Variants in KIF21A observed in about 807,000 individuals in gnomAD.
KIF21A encodes kinesin family member 21A.
In KIF21A, 114 loss-of-function variants were observed where a neutral mutation model predicts 202.9. The observed-to-expected ratio is 0.56, with a 90% CI of 0.48 to 0.66. KIF21A has a LOEUF of 0.66. Among genes scored for constraint, KIF21A ranks in the 30% least tolerant of loss-of-function variants. The probability of loss-of-function intolerance (pLI) is 0.00; values close to 1 mark genes in which losing one functional copy is unlikely to be tolerated. For missense variants in KIF21A, 1,677 were observed against 1,994.9 expected (o/e 0.84, Z 3.04); for synonymous variants, 667 against 670.8 (o/e 0.99, Z 0.09).
At chr12:39,350,697 G>T (rs1394323265) in intron 11 of KIF21A, among the ~76,000 whole-genome samples, 2 of 151,918 alleles carry the variant, frequency 1.3e-5, no homozygotes, top group Non-Finnish European at 2.9e-5. Flanking sequence ...AATATCTCAA[G>T]AGTGCAATTT....
intron 1 of KIF21A, among the ~76,000 whole-genome samples, chr12:39,397,230 T>C (rs1951822719): frequency 6.6e-6 from 1 of 152,222 alleles, no homozygotes; most frequent in Non-Finnish European, 1.5e-5. Flanking sequence ...TTTTGGTTCT[T>C]TATAATGCAT....
Position 39,294,219 on chromosome 12 carries a change from T to A in KIF21A, c.*205A>T. 1 of 521,054 alleles carries A rather than the reference T, an allele frequency of 1.9e-6. No individual in the cohort carries two copies. The highest frequency in any genetic ancestry group is 3.5e-6 in the Non-Finnish European group (1 of 287,528). The allele number at this position is 521,054 out of a possible 1,614,324, so 32.3% of individuals were successfully genotyped here. A position where few individuals can be genotyped will look rare whatever the true frequency, so the allele number is the denominator to read the frequency against. On this transcript the variant is annotated 3_prime_UTR_variant, in exon 38 of 38. Coordinates refer to ENST00000361418, the MANE Select transcript of KIF21A (RefSeq NM_001173464.2). ...AGCAATATATCAATTGTAGGATATA[T>A]ATCTATTGGTTGATCTTAAAACTAA...
intron 15 of KIF21A, 50 bp downstream of exon 15, chr12:39,340,856 A>G (rs1452202869): frequency 1.3e-5 from 17 of 1,310,280 alleles, no homozygotes; most frequent in Middle Eastern, 1.9e-4. Context: ...ATAAAAACCC[A>G]TTTTGAAGAT....
chr12:39,351,344 G>T (rs971749805), intron 11 of KIF21A, among the ~76,000 whole-genome samples: 3 of 152,010 alleles, frequency 2.0e-5, no homozygotes, highest in South Asian at 2.1e-4. Flanking sequence ...CATTCTGATG[G>T]ATTAGTTTAG....
chr12:39,309,710 C>A lies in KIF21A; in HGVS notation c.4153G>T (p.Gly1385Cys). 3.7e-6 allele frequency: 6 copies of A among 1,613,244 alleles called. No individual in the cohort carries two copies. The highest frequency in any genetic ancestry group is 1.7e-5 in the Admixed American group (1 of 59,954). The stretch of plus-strand genomic sequence containing the variant: ...ACAGACACGACATTGTTGGGATGAC[C>A]CCCCAGTGACATTATTTCCTGCCCA... The part of the protein sequence containing the change: ...VTGQEIMSLG[G>C]HPNNVVSVKY... The change falls in exon 33 of 38, where the codon GGT becomes TGT. Residue 1385 changes from glycine (G) to cysteine (C), a missense_variant. Coordinates refer to ENST00000361418, the MANE Select transcript of KIF21A (RefSeq NM_001173464.2).
chr12:39,415,661 A>G (rs1953517875), intron 1 of KIF21A, among the ~76,000 whole-genome samples: 1 of 152,196 alleles, frequency 6.6e-6, no homozygotes, highest in Non-Finnish European at 1.5e-5. Context: ...ATTAGAAAAG[A>G]CACTTTATTA....
At chr12:39,328,299 C>A (rs1946156787) in intron 24 of KIF21A, among the ~76,000 whole-genome samples, 1 of 152,158 alleles carries the variant, frequency 6.6e-6, no homozygotes, top group African/African-American at 2.4e-5. Context: ...GGGCACTGAG[C>A]ATCTACTGGA....
Position 39,369,803 on chromosome 12 carries a change from C to T in KIF21A, c.376G>A (p.Glu126Lys), listed in dbSNP as rs773829948. ...RAVKHLFKSI[E>K]EKKHIAIKNG... The stretch of plus-strand genomic sequence containing the variant: ...TTAATTGCTATGTGTTTTTTTTCTT[C>T]AATACTCTTAAAAAGGTGTTTAACA... Residue 126 changes from glutamate to lysine, a missense_variant, in exon 3 of 38, where the codon GAA becomes AAA. Around this residue, in one of 3 missense-constraint regions of KIF21A, gnomAD observed 966 missense variants for 1,180.9 expected, o/e 0.82. Coordinates refer to ENST00000361418, the MANE Select transcript of KIF21A (RefSeq NM_001173464.2). 1.6e-5 allele frequency: 25 copies of T among 1,612,016 alleles called. No homozygotes were observed. Among genetic ancestry groups the T allele is most frequent in the African/African-American group, 1.3e-5 (1 of 74,706 alleles).
At chr12:39,315,735 A>G in intron 30 of KIF21A, 197 bp downstream of exon 30, 1 of 642,432 alleles carries the variant, frequency 1.6e-6, no homozygotes, top group Non-Finnish European at 2.8e-6. Context: ...TATTATACAA[A>G]AAAAACCACT....
intron 29 of KIF21A, among the ~76,000 whole-genome samples, chr12:39,317,616 A>G (rs1944699144): frequency 6.6e-6 from 1 of 152,154 alleles, no homozygotes; most frequent in Admixed American, 6.5e-5. Flanking sequence ...CTTGTCTAGA[A>G]CAATCAGATG....
intron 27 of KIF21A, among the ~76,000 whole-genome samples, chr12:39,321,020 G>T (rs569949290): frequency 6.8e-6 from 1 of 146,066 alleles, no homozygotes; most frequent in African/African-American, 2.5e-5. Context: ...GGGTTTGCAT[G>T]ATTCCTATTT....
chr12:39,370,583 T>G (rs2139192291), intron 1 of KIF21A, among the ~76,000 whole-genome samples: 1 of 152,256 alleles, frequency 6.6e-6, no homozygotes, highest in Non-Finnish European at 1.5e-5. Context: ...CAATAAATTC[T>G]GCTACCAAAA....
intron 33 of KIF21A, 69 bp downstream of exon 33, chr12:39,309,517 A>G: frequency 8.8e-7 from 1 of 1,135,768 alleles, no homozygotes; most frequent in Non-Finnish European, 1.3e-6. Context: ...CTCTTTTCTT[A>G]TATTTGTAAA....
rs1491566823 is a variant in KIF21A, at chr12:39,325,499, T to TTTTTTC, written c.3456+339_3456+340insGAAAAA. 3.2e-3 allele frequency among the ~76,000 whole-genome samples: 174 copies of TTTTTTC among 54,520 alleles called. 2 individuals carry two copies. Among genetic ancestry groups the TTTTTTC allele is most frequent in the African/African-American group, 0.018 (167 of 9,524 alleles). 35.8% of individuals were successfully genotyped at this position (54,520 alleles called of 152,430 possible). A position where few individuals can be genotyped will look rare whatever the true frequency, so the allele number is the denominator to read the frequency against. On this transcript the variant is annotated intron_variant, in intron 26 of 37. Coordinates refer to ENST00000361418, the MANE Select transcript of KIF21A (RefSeq NM_001173464.2). Reference sequence around the variant, plus strand: ...GGCACCTACCACCACGCCCAGCTAATTTTTTTTTTTTTTTTTTGTATTTTT... The same window carrying TTTTTTC: ...GGCACCTACCACCACGCCCAGCTAATTTTTTCTTTTTTTTTTTTTTTTTGTATTTTT...
At position 39,406,206 on chromosome 12, in the gene KIF21A, C is replaced by T. The variant is rs146592645; in HGVS notation, c.45-35945G>A. 1.4e-4 allele frequency among the ~76,000 whole-genome samples: 21 copies of T among 151,504 alleles called. No individual in the cohort carries two copies. In the East Asian group the frequency reaches 3.9e-3, roughly 28 times the overall value. On this transcript the variant is annotated intron_variant, in intron 1 of 37. Transcript: ENST00000361418. ...ACAAAATAATACTTTCAAGTTTTAACAAATTTTCAAGCAACATATTTGATA... is the reference window on the plus strand; with the variant it reads ...ACAAAATAATACTTTCAAGTTTTAATAAATTTTCAAGCAACATATTTGATA...
At chr12:39,325,974 A>G in intron 25 of KIF21A, 81 bp from the exon 26 acceptor site, 1 of 1,071,258 alleles carries the variant, frequency 9.3e-7, no homozygotes, top group South Asian at 1.4e-5. Context: ...ATCAACGACT[A>G]CAAAAAATTT....
At chr12:39,323,708 G>A in intron 26 of KIF21A, among the ~76,000 whole-genome samples, 1 of 152,306 alleles carries the variant, frequency 6.6e-6, no homozygotes, top group African/African-American at 2.4e-5. Flanking sequence ...CCAGAAAGGA[G>A]CAAACTTGTT....
chr12:39,415,635 T>C (rs1435672893), intron 1 of KIF21A, among the ~76,000 whole-genome samples: 2 of 152,206 alleles, frequency 1.3e-5, no homozygotes. Context: ...CTTCCACTTC[T>C]GTAATCTGGC....
intron 6 of KIF21A, among the ~76,000 whole-genome samples, chr12:39,366,037 G>A (rs1357709560): frequency 6.6e-6 from 1 of 152,040 alleles, no homozygotes. Context: ...AAATAAATAA[G>A]TTGATTTTGA....
Sources: allele counts gnomAD v4.1 joint callset (sites outside exome capture counted in the v4.1 genomes callset), GRCh38; gene constraint gnomAD v4.1.1; regional missense constraint gnomAD v4.1.1; transcripts MANE v1.5; gene names NCBI Gene and HGNC (gene_info 2026-07-23, HGNC 2026-07-21).